Variants in PON3 observed in about 807,000 individuals in gnomAD.
PON3 encodes the protein serum paraoxonase/lactonase 3.
Under a neutral mutation model 36.3 loss-of-function variants are expected in PON3, and 37 were observed. The ratio of observed to expected loss-of-function variants is 1.02; its 90% confidence interval spans 0.78 to 1.34. The LOEUF (loss-of-function observed/expected upper bound fraction) is 1.34, where lower values mean the gene tolerates loss of function less well. Among genes scored for constraint, PON3 ranks in the 40% most tolerant of loss-of-function variants. The probability of loss-of-function intolerance (pLI) is 0.00; values close to 1 mark genes in which losing one functional copy is unlikely to be tolerated. For synonymous variants in PON3, 155 were observed against 154.8 expected, an observed-to-expected ratio of 1.00 and a Z score of -0.01; for missense variants, 415 against 426.5, an observed-to-expected ratio of 0.97 and a Z score of 0.24.
chr7:95,384,248 A>C (rs1347984767), intron 3 of PON3, among the ~76,000 whole-genome samples: 2 of 152,208 alleles, frequency 1.3e-5, no homozygotes, highest in Admixed American at 6.5e-5. Context: ...AACCATAAAA[A>C]CCCTAGAAGA....
chr7:95,394,360 T>C (rs1809384320), intron 2 of PON3, among the ~76,000 whole-genome samples: 1 of 151,792 alleles, frequency 6.6e-6, no homozygotes, highest in Non-Finnish European at 1.5e-5. Flanking sequence ...ATACCACAGA[T>C]GGGAAAGGAG....
At chr7:95,378,099 T>G (rs1474454002) in intron 3 of PON3, among the ~76,000 whole-genome samples, 1 of 152,286 alleles carries the variant, frequency 6.6e-6, no homozygotes, top group South Asian at 2.1e-4. Flanking sequence ...GCATGAGAAC[T>G]TCCTCATGCA....
At chr7:95,375,164 C>G (rs1808887164) in intron 3 of PON3, among the ~76,000 whole-genome samples, 1 of 151,914 alleles carries the variant, frequency 6.6e-6, no homozygotes, top group South Asian at 2.1e-4. Flanking sequence ...TCAGTCTACT[C>G]TTTTCCCCAT....
chr7:95,377,015 G>A (rs944058206), intron 3 of PON3, among the ~76,000 whole-genome samples: 1 of 152,238 alleles, frequency 6.6e-6, no homozygotes, highest in Non-Finnish European at 1.5e-5. Context: ...GTGACAGTCT[G>A]TACCTGGAGG....
chr7:95,364,797 A>G (rs764620073), intron 5 of PON3: 5 of 152,306 alleles, frequency 3.3e-5, no homozygotes, highest in Non-Finnish European at 7.3e-5. Flanking sequence ...AGATGGAATT[A>G]TGGGTGATAT....
intron 3 of PON3, among the ~76,000 whole-genome samples, chr7:95,381,974 T>C (rs572530634): frequency 1.3e-5 from 2 of 152,152 alleles, no homozygotes; most frequent in African/African-American, 4.8e-5. Flanking sequence ...TCAGCAAATG[T>C]AAAAGAACAG....
At position 95,363,886 on chromosome 7, in the gene PON3, C is replaced by G. The variant is rs529388594; in HGVS notation, c.672G>C (p.Gly224=). Residue 224 remains glycine, a synonymous_variant, in exon 6 of 9, where the codon GGG becomes GGC. Coordinates refer to ENST00000265627, the MANE Select transcript of PON3 (RefSeq NM_000940.3). ...VVAKGFCSAN[G]ITVSADQKYV... ...ACTTCTGGTCTGCTGAGACTGTGAT[C>G]CCATTGGCACTACAAAATCCTTTGG... is the stretch of plus-strand genomic sequence containing the variant. The G allele has an allele frequency of 8.7e-6, 14 of 1,613,618 alleles. No homozygotes were observed. In the African/African-American group the frequency reaches 1.5e-4, roughly 17 times the overall value.
At chr7:95,396,146 G>T in intron 1 of PON3, 131 bp downstream of exon 1, 1 of 980,636 alleles carries the variant, frequency 1.0e-6, no homozygotes, top group Non-Finnish European at 1.7e-6. Context: ...GGTTTGCTGG[G>T]TGAGATGGAG....
chr7:95,395,967 G>T, intron 1 of PON3: 1 of 408,120 alleles, frequency 2.5e-6, no homozygotes, highest in African/African-American at 2.0e-5. Flanking sequence ...AGAATGTTGA[G>T]GGCGAGCTGG....
chr7:95,396,145 G>A, intron 1 of PON3, 132 bp downstream of exon 1: 1 of 972,608 alleles, frequency 1.0e-6, no homozygotes, highest in Non-Finnish European at 1.7e-6. Context: ...CGGTTTGCTG[G>A]GTGAGATGGA....
intron 3 of PON3, among the ~76,000 whole-genome samples, chr7:95,383,710 A>G (rs1166734023): frequency 6.6e-6 from 1 of 152,206 alleles, no homozygotes; most frequent in Non-Finnish European, 1.5e-5. Flanking sequence ...AAGAGAACAC[A>G]AACAAATGGA....
At chr7:95,378,974 A>G (rs1221680003) in intron 3 of PON3, among the ~76,000 whole-genome samples, 2 of 152,180 alleles carry the variant, frequency 1.3e-5, no homozygotes, top group African/African-American at 4.8e-5. Context: ...GGATAGAGTC[A>G]AGACCCATCT....
chr7:95,366,411 C>A (rs949109557), intron 5 of PON3, among the ~76,000 whole-genome samples: 1 of 152,212 alleles, frequency 6.6e-6, no homozygotes, highest in Non-Finnish European at 1.5e-5. Context: ...ACTTCTCTTA[C>A]TTCTATGCTC....
intron 8 of PON3, among the ~76,000 whole-genome samples, 158 bp downstream of exon 8, chr7:95,362,204 C>T (rs1022589923): frequency 6.6e-6 from 1 of 152,174 alleles, no homozygotes; most frequent in Non-Finnish European, 1.5e-5. Flanking sequence ...AGTTAACGAA[C>T]CTTATCTCCC....
chr7:95,396,182 C>T, intron 1 of PON3, 95 bp downstream of exon 1: 1 of 1,377,532 alleles, frequency 7.3e-7, no homozygotes, highest in Non-Finnish European at 1.0e-6. Context: ...GCTGCTCTTT[C>T]CTACCCGCTA....
intron 3 of PON3, among the ~76,000 whole-genome samples, chr7:95,386,765 C>T (rs192581203): frequency 6.6e-6 from 1 of 152,128 alleles, no homozygotes; most frequent in Non-Finnish European, 1.5e-5. Context: ...AATCCAGCAA[C>T]ACATCAAAAA....
intron 3 of PON3, among the ~76,000 whole-genome samples, chr7:95,385,599 A>T (rs190481956): frequency 6.6e-6 from 1 of 152,292 alleles, no homozygotes; most frequent in African/African-American, 2.4e-5. Flanking sequence ...TCTTCACCCC[A>T]AAACAACACA....
At position 95,379,578 on chromosome 7, in the gene PON3, T is replaced by C. The variant is rs111716086; in HGVS notation, c.202-7240A>G. Among the ~76,000 whole-genome samples, 432 of 152,320 alleles carry C rather than the reference T, an allele frequency of 2.8e-3. 2 individuals carry two copies. The highest frequency in any genetic ancestry group is 0.014 in the Middle Eastern group (4 of 294). ...TATATTCCGTGCCTGGCTCGGAGGG[T>C]TCCACACCCATGGAGCCTTGCTCAT... On this transcript the variant is annotated intron_variant, in intron 3 of 8. Coordinates refer to ENST00000265627, the MANE Select transcript of PON3 (RefSeq NM_000940.3).
In PON3 at chr7:95,390,135, CA is replaced by C. The variant is rs1264850507; in HGVS notation, c.201+18del. ...ACAGCTATTGATGTGAGCATGAGAG[CA>C]GCATGGAAAATACTCACACTGGAGA... is the stretch of plus-strand genomic sequence containing the variant. On this transcript the variant is annotated intron_variant, in intron 3 of 8. Transcript: ENST00000265627. 32 of 1,586,824 alleles carry C rather than the reference CA, an allele frequency of 2.0e-5. No homozygotes were observed. The highest frequency in any genetic ancestry group is 2.2e-5 in the Non-Finnish European group (25 of 1,155,404).
Sources: allele counts gnomAD v4.1 joint callset (sites outside exome capture counted in the v4.1 genomes callset), GRCh38; gene constraint gnomAD v4.1.1; transcripts MANE v1.5; gene names NCBI Gene and HGNC (gene_info 2026-07-23, HGNC 2026-07-21).